Variants in IMMP2L observed in about 807,000 individuals in gnomAD.
The protein encoded by IMMP2L is mitochondrial inner membrane protease subunit 2.
IMMP2L carries 18 observed loss-of-function variants against 19.3 expected under a neutral mutation model. The ratio of observed to expected loss-of-function variants is 0.93; its 90% CI spans 0.64 to 1.38. The LOEUF (loss-of-function observed/expected upper bound fraction) is 1.38. Ranked by LOEUF, IMMP2L falls within the 40% of genes most tolerant of loss-of-function variation. The pLI, the probability that IMMP2L is intolerant of heterozygous loss-of-function variation, is 0.00. For synonymous variants in IMMP2L, 76 were observed against 73.0 expected (o/e 1.04, Z -0.21); for missense variants, 233 against 218.2 (o/e 1.07, Z -0.43).
At chr7:111,379,163 T>C (rs539851687) in intron 3 of IMMP2L, among the ~76,000 whole-genome samples, 1 of 144,706 alleles carries the variant, frequency 6.9e-6, no homozygotes, top group East Asian at 2.0e-4. Flanking sequence ...AAGACCAGAA[T>C]TGCCAATAAA....
intron 2 of IMMP2L, among the ~76,000 whole-genome samples, chr7:111,498,651 C>T (rs1388244930): frequency 6.6e-6 from 1 of 152,120 alleles, no homozygotes; most frequent in Non-Finnish European, 1.5e-5. Flanking sequence ...CCAAATTCCC[C>T]AACATATACA....
intron 3 of IMMP2L, among the ~76,000 whole-genome samples, chr7:111,152,654 T>C (rs1442444135): frequency 6.6e-6 from 1 of 152,162 alleles, no homozygotes; most frequent in Non-Finnish European, 1.5e-5. Flanking sequence ...CAAAAGCAGA[T>C]GCTAGCAAGA....
At chr7:111,480,507 T>C (rs1842086689) in intron 3 of IMMP2L, among the ~76,000 whole-genome samples, 1 of 148,442 alleles carries the variant, frequency 6.7e-6, no homozygotes. Flanking sequence ...CTTGTACATA[T>C]ACTTAGTAAT....
chr7:111,348,731 A>G (rs1827834738), intron 3 of IMMP2L, among the ~76,000 whole-genome samples: 1 of 152,110 alleles, frequency 6.6e-6, no homozygotes, highest in Non-Finnish European at 1.5e-5. Flanking sequence ...AACTGTTAAG[A>G]TAGCATTAAA....
chr7:111,477,460 T>C (rs1166694785), intron 3 of IMMP2L, among the ~76,000 whole-genome samples: 1 of 152,190 alleles, frequency 6.6e-6, no homozygotes, highest in African/African-American at 2.4e-5. Flanking sequence ...TTTAAGAATA[T>C]TTCCAACAGG....
chr7:111,410,795 T>C (rs998826396), intron 3 of IMMP2L, among the ~76,000 whole-genome samples: 3 of 151,720 alleles, frequency 2.0e-5, no homozygotes, highest in Non-Finnish European at 2.9e-5. Flanking sequence ...GATAAGACAC[T>C]ACAGAAAATA....
intron 1 of IMMP2L, among the ~76,000 whole-genome samples, chr7:111,555,874 T>C (rs1454402448): frequency 1.3e-5 from 2 of 151,352 alleles, no homozygotes; most frequent in East Asian, 3.9e-4. Flanking sequence ...AGATAAGTGT[T>C]GGCGAGGGTG....
rs566643111 is a variant in IMMP2L at position 111,018,488 on chromosome 7, C to A, written c.240-54923G>T. 1.1e-4 allele frequency among the ~76,000 whole-genome samples: 17 copies of A among 152,180 alleles called. No individual in the cohort carries two copies. The South Asian group carries it at 2.7e-3, about 24-fold the overall frequency. On this transcript the variant is annotated intron_variant, in intron 3 of 5. Coordinates refer to ENST00000405709, the MANE Select transcript of IMMP2L (RefSeq NM_032549.4). ...CTTGTTCAAACTAGAATTTAACTCT[C>A]GGCTGTTCTGTGGTTAAGATCTACA...
intron 3 of IMMP2L, among the ~76,000 whole-genome samples, chr7:111,101,409 TGTATGATCTCAGAA>T (rs1797960891): frequency 6.6e-6 from 1 of 151,536 alleles, no homozygotes; most frequent in African/African-American, 2.4e-5. Context: ...GTACTTTTAA[TGTATGATCTCAGAA>T]TCTGTGAGAG....
At chr7:111,387,743 C>T (rs1384177324) in intron 3 of IMMP2L, among the ~76,000 whole-genome samples, 1 of 151,726 alleles carries the variant, frequency 6.6e-6, no homozygotes, top group Non-Finnish European at 1.5e-5. Context: ...TTTGGGAGGC[C>T]AAGGTGGGCA....
chr7:110,979,685 T>TA (rs140488372), intron 3 of IMMP2L, among the ~76,000 whole-genome samples: 10,589 of 148,174 alleles, frequency 0.071, 470 homozygotes, highest in East Asian at 0.16. Flanking sequence ...GGTTTAAACT[T>TA]AAAAAACAAA....
At chr7:111,478,151 T>C (rs1841879021) in intron 3 of IMMP2L, among the ~76,000 whole-genome samples, 1 of 152,160 alleles carries the variant, frequency 6.6e-6, no homozygotes, top group Non-Finnish European at 1.5e-5. Flanking sequence ...ATTTACACTA[T>C]TGATTGTGTG....
At chr7:110,849,777 A>T (rs1806013653) in intron 5 of IMMP2L, among the ~76,000 whole-genome samples, 1 of 152,108 alleles carries the variant, frequency 6.6e-6, no homozygotes, top group African/African-American at 2.4e-5. Flanking sequence ...TCCTACTTTT[A>T]ACCCACTAAT....
At chr7:111,288,741 T>C (rs1053699891) in intron 3 of IMMP2L, among the ~76,000 whole-genome samples, 1 of 152,110 alleles carries the variant, frequency 6.6e-6, no homozygotes. Context: ...CCAGTTAGAA[T>C]GGCAATCAAT....
At chr7:111,266,260 G>C (rs1817818672) in intron 3 of IMMP2L, among the ~76,000 whole-genome samples, 1 of 151,928 alleles carries the variant, frequency 6.6e-6, no homozygotes, top group African/African-American at 2.4e-5. Context: ...AGAAACCAGG[G>C]AGCCAGGCAC....
intron 3 of IMMP2L, among the ~76,000 whole-genome samples, chr7:111,084,820 A>G (rs214896): frequency 0.84 from 127,265 of 152,126 alleles, 53,608 homozygotes; most frequent in Non-Finnish European, 0.89. Flanking sequence ...AAGTGATGAT[A>G]TGATTGTAGC....
intron 4 of IMMP2L, among the ~76,000 whole-genome samples, chr7:110,902,384 C>A (rs1811964663): frequency 8.2e-6 from 1 of 122,666 alleles, no homozygotes; most frequent in Admixed American, 8.0e-5. Flanking sequence ...AACTAATGGT[C>A]CATACTCCTT....
At chr7:110,930,465 A>G (rs1815343865) in intron 4 of IMMP2L, among the ~76,000 whole-genome samples, 1 of 152,128 alleles carries the variant, frequency 6.6e-6, no homozygotes. Flanking sequence ...CCAGGTTCTT[A>G]CCACACATCA....
chr7:111,297,093 G>C (rs1821715709), intron 3 of IMMP2L, among the ~76,000 whole-genome samples: 1 of 152,040 alleles, frequency 6.6e-6, no homozygotes, highest in Non-Finnish European at 1.5e-5. Flanking sequence ...TAAAGGGCTA[G>C]AATGAGGAAT....
Sources: gnomAD v4.1 joint callset for allele counts (sites outside exome capture counted in the v4.1 genomes callset) on GRCh38, gnomAD v4.1.1 for gene constraint, MANE v1.5 for transcripts, NCBI Gene and HGNC (gene_info 2026-07-23, HGNC 2026-07-21) for gene names.